ABCA2: variants seen among roughly 807,000 people sequenced by gnomAD.
The protein encoded by ABCA2 is ATP binding cassette subfamily A member 2.
Under a neutral mutation model 262.8 loss-of-function variants are expected in ABCA2, and 84 were observed. The ratio of observed to expected loss-of-function variants is 0.32; its 90% CI spans 0.27 to 0.38. The LOEUF is 0.38. ABCA2 is among the 10% of genes least tolerant of loss of function. The probability of loss-of-function intolerance (pLI) is 1.00; values close to 1 mark genes in which losing one functional copy is unlikely to be tolerated. For synonymous variants in ABCA2, 1,696 were observed against 1,502.9 expected, an observed-to-expected ratio of 1.13 and a Z score of -2.97; for missense variants, 2,662 against 3,405.9, an observed-to-expected ratio of 0.78 and a Z score of 5.44.
At chr9:137,010,885 C>G (rs1831013503) in intron 39 of ABCA2, 88 bp downstream of exon 39, 3 of 714,986 alleles carry the variant, frequency 4.2e-6, no homozygotes, top group Non-Finnish European at 2.3e-6. Context: ...TGCCCCATCC[C>G]TGCCCCCACC....
At chr9:137,012,690 A>T in intron 31 of ABCA2, 22 bp downstream of exon 31, 1 of 1,611,760 alleles carries the variant, frequency 6.2e-7, no homozygotes, top group Non-Finnish European at 8.5e-7. Context: ...ACCCTCACCC[A>T]CAGCCTCCCC....
At position 137,021,917 on chromosome 9, in the gene ABCA2, C is replaced by G; in HGVS notation, c.652G>C (p.Gly218Arg). ...TCCATCCGGAACAGGGGATTGCCCCCTAGGCGGCTCCAGGGCTCCTGACCC... is the reference window on the plus strand; with the variant it reads ...TCCATCCGGAACAGGGGATTGCCCCGTAGGCGGCTCCAGGGCTCCTGACCC... Reference protein sequence around the residue: ...HKGQEPWSRLGGNPLFRMEEL... With the variant: ...HKGQEPWSRLRGNPLFRMEEL... Residue 218 changes from glycine to arginine, a missense_variant, in exon 7 of 49, where the codon GGG becomes CGG. Physicochemically the swap from Gly to Arg is moderately radical, Grantham distance 125. This residue lies in a region of ABCA2 where 403 missense variants were observed against 375.9 expected (regional missense o/e 1.07). Coordinates refer to ENST00000341511, the MANE Select transcript of ABCA2 (RefSeq NM_001606.5). This position sits in a 1 kb window ranked among gnomAD's most constrained non-coding sequence, Gnocchi z 6.0. 9 of 1,602,780 alleles carry G rather than the reference C, an allele frequency of 5.6e-6. No individual in the cohort carries two copies. The highest frequency in any genetic ancestry group is 7.7e-6 in the Non-Finnish European group (9 of 1,175,740).
In ABCA2 at chr9:137,014,410, G is replaced by A. The variant is rs554318581; in HGVS notation, c.4004-6C>T. 143 of 1,580,840 alleles carry A rather than the reference G, an allele frequency of 9.0e-5. No homozygotes were observed. Among genetic ancestry groups the A allele is most frequent in the Middle Eastern group, 1.8e-4 (1 of 5,452 alleles). ...CTTCCTGGACTCCTTCACATCTGCCGCAGTGGAAGGGCCGAGGGGACACTC... is the reference window on the plus strand; with the variant it reads ...CTTCCTGGACTCCTTCACATCTGCCACAGTGGAAGGGCCGAGGGGACACTC... On this transcript the variant is annotated splice_polypyrimidine_tract_variant and splice_region_variant and intron_variant, in intron 26 of 48. Transcript: ENST00000341511.
In ABCA2 at chr9:137,008,956, G is replaced by C. The variant is rs751226065; in HGVS notation, c.6925C>G (p.Leu2309Val). Residue 2309 changes from leucine (L) to valine (V), a missense_variant, in exon 46 of 49, where the codon CTC becomes GTC. By Grantham distance (32) the Leu-to-Val change is conservative (BLOSUM62 1). Around this residue, in one of 12 missense-constraint regions of ABCA2, gnomAD observed 212 missense variants for 214.4 expected, o/e 0.99. Transcript: ENST00000341511. ...CCCTGCCCGGGACGGCGCACCTTGA[G>C]CATGGCTTCCGGGAAGTTGCGGTTG... ...FFNRNFPEAMLKERHHTKVQY... is the reference protein window; with the variant it reads ...FFNRNFPEAMVKERHHTKVQY... 6.3e-7 allele frequency: 1 copy of C among 1,594,792 alleles called. No homozygotes were observed. Among genetic ancestry groups the C allele is most frequent in the East Asian group, 2.3e-5 (1 of 44,300 alleles).
Position 137,015,050 on chromosome 9 carries a change from A to G in ABCA2, c.3745T>C (p.Cys1249Arg). Reference sequence around the variant, plus strand: ...AACTGGGACACCTGGAGCTCGGAGCAGCTGCTCAGCGGGGCCCGACCTGGG... The same window carrying G: ...AACTGGGACACCTGGAGCTCGGAGCGGCTGCTCAGCGGGGCCCGACCTGGG... ...SPPGRAPLSS[C>R]SELQVSQFIR... The change falls in exon 25 of 49, where the codon TGC becomes CGC. Residue 1249 changes from cysteine (C) to arginine (R), a missense_variant. By Grantham distance (180) the Cys-to-Arg change is radical (BLOSUM62 -3). Transcript: ENST00000341511. The G allele has an allele frequency of 6.2e-7, 1 of 1,607,260 alleles. No homozygotes were observed.
chr9:137,013,066 C>A lies in ABCA2; in HGVS notation c.4803G>T (p.Ser1601=). 3 of 1,550,870 alleles carry A rather than the reference C, an allele frequency of 1.9e-6. No homozygotes were observed. The highest frequency in any genetic ancestry group is 1.4e-5 in the African/African-American group (1 of 73,326). Residue 1601 remains serine (S), a synonymous_variant, in exon 30 of 49, where the codon TCG becomes TCT. Transcript: ENST00000341511. ...GCAGGTCCTCATCCGGGGACGCTGG[C>A]GAGTCAGATGGGGCGGGCGAGGGTG... The part of the protein sequence containing the change: ...PPPPSPAPSD[S]PASPDEDLQA...
chr9:137,013,224 CG>C lies in ABCA2; in HGVS notation c.4644del (p.Ala1549ProfsTer9), dbSNP rs1564216548. On this transcript the variant is annotated frameshift_variant, in exon 30 of 49. Transcript: ENST00000341511. LOFTEE classifies it high-confidence loss of function. The stretch of plus-strand genomic sequence containing the variant: ...AACGTGGGCCCCAGCGAGCCGTTGG[CG>C]GGAGACTTGAGCACGCAGGTGGCAC... Reference protein sequence around the residue: ...GVGATCVLKSPANGSLGPTLN... With the variant: ...GVGATCVLKSXANGSLGPTLN... 6.2e-7 allele frequency: 1 copy of C among 1,602,174 alleles called. No homozygotes were observed.
At position 137,017,897 on chromosome 9, in the gene ABCA2, G is replaced by A. The variant is rs1332863170; in HGVS notation, c.2101C>T (p.Leu701=). The stretch of plus-strand genomic sequence containing the variant: ...GGCATCATGTGCTCAATGACAAACA[G>A]GAAGCTGCGGGGAGGCCGCGCTCAG... ...PYPCYTRDDF[L]FVIEHMMPLC... is the part of the protein sequence containing the mutation. Residue 701 remains leucine (L), a synonymous_variant, in exon 16 of 49, where the codon CTG becomes TTG. Coordinates refer to ENST00000341511, the MANE Select transcript of ABCA2 (RefSeq NM_001606.5). The A allele has an allele frequency of 1.2e-6, 2 of 1,612,552 alleles. No individual in the cohort carries two copies. The highest frequency in any genetic ancestry group is 1.7e-6 in the Non-Finnish European group (2 of 1,179,840).
intron 1 of ABCA2, among the ~76,000 whole-genome samples, chr9:137,025,215 G>C (rs1373583192): frequency 6.6e-6 from 1 of 152,246 alleles, no homozygotes; most frequent in Non-Finnish European, 1.5e-5. Flanking sequence ...CGTGGAGTGA[G>C]AAAGAGGTGC....
Position 137,010,709 on chromosome 9 carries a change from C to T in ABCA2, c.6085G>A (p.Glu2029Lys). ...QRMPVSTKPVEDDVDVASERQ... is the reference protein window; with the variant it reads ...QRMPVSTKPVKDDVDVASERQ... Reference sequence around the variant, plus strand: ...TCACTGGCCACGTCCACATCATCCTCCACAGGCTTGGTAGACACAGGCATG... The same window carrying T: ...TCACTGGCCACGTCCACATCATCCTTCACAGGCTTGGTAGACACAGGCATG... The change falls in exon 40 of 49, where the codon GAG becomes AAG. Residue 2029 changes from glutamate to lysine, a missense_variant. By Grantham distance (56) the Glu-to-Lys change is moderately conservative (BLOSUM62 1). Coordinates refer to ENST00000341511, the MANE Select transcript of ABCA2 (RefSeq NM_001606.5). 1.2e-6 allele frequency: 2 copies of T among 1,612,536 alleles called. No homozygotes were observed. Among genetic ancestry groups the T allele is most frequent in the Non-Finnish European group, 1.7e-6 (2 of 1,179,854 alleles).
chr9:137,028,177 C>G lies in ABCA2; in HGVS notation c.-37G>C. The G allele has an allele frequency of 1.0e-6, 1 of 980,546 alleles. No homozygotes were observed. The highest frequency in any genetic ancestry group is 1.2e-6 in the Non-Finnish European group (1 of 828,040). 60.7% of individuals were successfully genotyped at this position (980,546 alleles called of 1,614,324 possible). On this transcript the variant is annotated 5_prime_UTR_variant, in exon 1 of 49. Transcript: ENST00000341511. This position sits in a 1 kb window ranked among gnomAD's most constrained non-coding sequence, Gnocchi z 6.9. ...GCTCCGCCGCCTCAGCGCCGCGGCC[C>G]GCTCCTCTGCGCGCCCCGCCGGGCC...
chr9:137,008,645 G>C, intron 47 of ABCA2, 23 bp from the exon 48 acceptor site: 1 of 1,590,920 alleles, frequency 6.3e-7, no homozygotes, highest in Non-Finnish European at 8.6e-7. Flanking sequence ...GCAGGCGTGT[G>C]GGGAGGGGGC....
At chr9:137,024,265 G>A (rs371091825) in intron 1 of ABCA2, 29 bp from the exon 2 acceptor site, 17 of 1,570,728 alleles carry the variant, frequency 1.1e-5, no homozygotes, top group Non-Finnish European at 1.1e-5. Flanking sequence ...GTGAGGGATA[G>A]GACAGACCTG....
In ABCA2 at chr9:137,010,135, G is replaced by A. The variant is rs199818779; in HGVS notation, c.6354-11C>T. 106 of 1,591,544 alleles carry A rather than the reference G, an allele frequency of 6.7e-5. 1 individual carries two copies. The highest frequency in any genetic ancestry group is 6.2e-4 in the African/African-American group (46 of 74,726). On this transcript the variant is annotated splice_polypyrimidine_tract_variant and intron_variant, in intron 41 of 48. Transcript: ENST00000341511. ...AGCTCCTTCAGCACGCTGGGGACAC[G>A]GCAGCTGTCAGCGCGTGAGGACGCG...
chr9:137,013,287 G>T lies in ABCA2; in HGVS notation c.4582C>A (p.Gln1528Lys). Residue 1528 changes from glutamine (Q) to lysine (K), a missense_variant, in exon 30 of 49, where the codon CAG (glutamine) becomes AAG (lysine). By Grantham distance (53) the Gln-to-Lys change is moderately conservative. Around this residue, in one of 12 missense-constraint regions of ABCA2, gnomAD observed 192 missense variants for 207.2 expected, o/e 0.93. Coordinates refer to ENST00000341511, the MANE Select transcript of ABCA2 (RefSeq NM_001606.5). ...GGCAGCCGGAACGTGCTCACGAGCT[G>T]CTGGGGGCTGGCGTCGGGCGATAGC... ...LRLSPDASPQ[Q>K]LVSTFRLPSG... The T allele has an allele frequency of 1.3e-6, 2 of 1,574,830 alleles. No homozygotes were observed. Among genetic ancestry groups the T allele is most frequent in the Non-Finnish European group, 1.7e-6 (2 of 1,166,518 alleles).
chr9:137,022,416 G>A lies in ABCA2; in HGVS notation c.502C>T (p.Gln168Ter). ...GTGCTATTGGGCAGCGACAAGTTTT[G>A]CGTCAGGAAACGCCAGAGCTCCTGC... ...NPQELWRFLT[Q>*]NLSLPNSTAQ... Residue 168 changes from glutamine (Q) to a stop codon, truncating the protein, a stop_gained, in exon 6 of 49, where the codon CAA becomes TAA. Transcript: ENST00000341511. LOFTEE classifies it high-confidence loss of function. 1 of 1,612,024 alleles carries A rather than the reference G, an allele frequency of 6.2e-7. No homozygotes were observed. The highest frequency in any genetic ancestry group is 8.5e-7 in the Non-Finnish European group (1 of 1,179,746).
chr9:137,008,432 C>G lies in ABCA2; in HGVS notation c.7259G>C (p.Ser2420Thr). 1 of 1,552,016 alleles carries G rather than the reference C, an allele frequency of 6.4e-7. No individual in the cohort carries two copies. Among genetic ancestry groups the G allele is most frequent in the South Asian group, 1.2e-5 (1 of 84,316 alleles). ...CCTGCTCACCCGCTCCTCCTCGAAG[C>G]TGATGAGGCCCTCGTCCTCCGTGTC... ...DLDTEDEGLI[S>T]FEEERAQLSF... The change falls in exon 48 of 49, where the codon AGC (serine) becomes ACC (threonine). Residue 2420 changes from serine to threonine, a missense_variant. Ser to Thr is a moderately conservative substitution (Grantham distance 58, BLOSUM62 1). Coordinates refer to ENST00000341511, the MANE Select transcript of ABCA2 (RefSeq NM_001606.5).
In ABCA2 at chr9:137,008,160, C is replaced by A. The variant is rs1316955424; in HGVS notation, c.7276-196G>T. 16 of 816,928 alleles carry A rather than the reference C, an allele frequency of 2.0e-5. No homozygotes were observed. In the East Asian group the frequency reaches 4.3e-4, roughly 22 times the overall value. 50.6% of individuals were successfully genotyped at this position (816,928 alleles called of 1,614,324 possible). A position where few individuals can be genotyped will look rare whatever the true frequency, so the allele number is the denominator to read the frequency against. On this transcript the variant is annotated intron_variant, in intron 48 of 48. Coordinates refer to ENST00000341511, the MANE Select transcript of ABCA2 (RefSeq NM_001606.5). ...TGGGGGCCACTGAGTCTACATCGGTCCCCTGTTCCCCGGCTCTGGTCCCCT... is the reference window on the plus strand; with the variant it reads ...TGGGGGCCACTGAGTCTACATCGGTACCCTGTTCCCCGGCTCTGGTCCCCT...
rs756536211 is a variant in ABCA2 at position 137,021,959 on chromosome 9, G to C, written c.610C>G (p.Gln204Glu). ...TCCTGACCCTTGTGGAGGCCAGACT[G>C]TGAATCCAGGGCAGATGAGGGACCA... ...LFGPSSALDS[Q>E]SGLHKGQEPW... Residue 204 changes from glutamine (Q) to glutamate (E), a missense_variant, in exon 7 of 49, where the codon CAG becomes GAG. Around this residue, in one of 12 missense-constraint regions of ABCA2, gnomAD observed 403 missense variants for 375.9 expected, o/e 1.07. Transcript: ENST00000341511. The surrounding 1 kb of genome is among the most constrained non-coding windows in gnomAD (Gnocchi z 6.0). The C allele has an allele frequency of 6.2e-7, 1 of 1,605,120 alleles. No homozygotes were observed. The highest frequency in any genetic ancestry group is 1.1e-5 in the South Asian group (1 of 89,476).
Sources: gnomAD v4.1 joint callset for allele counts (sites outside exome capture counted in the v4.1 genomes callset) on GRCh38, gnomAD v4.1.1 for gene constraint, gnomAD v4.1.1 regional missense constraint, Gnocchi (gnomAD v3.1) non-coding constraint, MANE v1.5 for transcripts, NCBI Gene and HGNC (gene_info 2026-07-23, HGNC 2026-07-21) for gene names.